Variants in FGF1 observed in about 807,000 individuals in gnomAD.
FGF1 encodes fibroblast growth factor 1.
FGF1 carries 9 observed loss-of-function variants against 13.4 expected under a neutral mutation model. That is an observed-to-expected ratio of 0.67 (90% CI 0.40 to 1.17). FGF1 has a LOEUF of 1.17. Among genes scored for constraint, FGF1 ranks in the 50% most tolerant of loss-of-function variants. The pLI is 0.01. For missense variants in FGF1, 156 were observed against 192.7 expected (o/e 0.81, Z 1.13); for synonymous variants, 93 against 79.0 (o/e 1.18, Z -0.94).
chr5:142,657,812 G>C (rs1023135537), intron 1 of FGF1, among the ~76,000 whole-genome samples: 9 of 152,164 alleles, frequency 5.9e-5, no homozygotes, highest in Admixed American at 4.6e-4. Context: ...CTGGTGTCTG[G>C]GTCTTCTTTC....
chr5:142,628,757 C>T (rs571076026), intron 1 of FGF1, among the ~76,000 whole-genome samples: 9 of 152,180 alleles, frequency 5.9e-5, no homozygotes, highest in Admixed American at 3.3e-4. Context: ...CTATGTTGGG[C>T]GGGGTTGTTT....
chr5:142,679,346 T>G (rs1370579843), intron 1 of FGF1, among the ~76,000 whole-genome samples: 1 of 152,198 alleles, frequency 6.6e-6, no homozygotes, highest in Non-Finnish European at 1.5e-5. Flanking sequence ...TGCTGATCCG[T>G]CAGACCTCAA....
In FGF1 at chr5:142,649,513, TCTC is replaced by T. The variant is rs1766818215; in HGVS notation, c.-34-35355_-34-35353del. ...GCTCTGCCTCCCGGGTTCACGCCAT[TCTC>T]CTGCCTCAGCCTCCTGAGTAGCTGG... On this transcript the variant is annotated intron_variant, in intron 1 of 3. Coordinates refer to ENST00000337706, the MANE Select transcript of FGF1 (RefSeq NM_000800.5). 2.6e-5 allele frequency among the ~76,000 whole-genome samples: 4 copies of T among 152,076 alleles called. No homozygotes were observed. The South Asian group carries it at 8.3e-4, about 32-fold the overall frequency.
At chr5:142,619,741 G>C (rs901835651) in intron 1 of FGF1, among the ~76,000 whole-genome samples, 1 of 152,018 alleles carries the variant, frequency 6.6e-6, no homozygotes, top group Non-Finnish European at 1.5e-5. Context: ...GCTGAGGCAG[G>C]AGAATCGCTT....
chr5:142,669,833 C>T (rs930249994), intron 1 of FGF1, among the ~76,000 whole-genome samples: 14 of 152,116 alleles, frequency 9.2e-5, no homozygotes, highest in East Asian at 3.9e-4. Context: ...AAGCAGACAG[C>T]GGCAGCCACC....
chr5:142,643,911 C>T (rs1765590822), intron 1 of FGF1, among the ~76,000 whole-genome samples: 1 of 152,180 alleles, frequency 6.6e-6, no homozygotes, highest in South Asian at 2.1e-4. Flanking sequence ...CATGTAAGCT[C>T]ATGTTAGCGC....
chr5:142,607,097 C>A (rs193206385), intron 2 of FGF1, among the ~76,000 whole-genome samples: 1 of 152,216 alleles, frequency 6.6e-6, no homozygotes, highest in East Asian at 1.9e-4. Flanking sequence ...ACTTTTTGTT[C>A]CTCGTGACCC....
intron 2 of FGF1, among the ~76,000 whole-genome samples, chr5:142,613,128 A>G (rs1759431870): frequency 6.6e-6 from 1 of 152,084 alleles, no homozygotes; most frequent in Admixed American, 6.5e-5. Flanking sequence ...CTTCTTTGTA[A>G]CCTCTGATGC....
chr5:142,660,160 C>G (rs1597366604), intron 1 of FGF1, among the ~76,000 whole-genome samples: 1 of 152,246 alleles, frequency 6.6e-6, no homozygotes, highest in East Asian at 1.9e-4. Flanking sequence ...CAGCTGAAAA[C>G]CATCTTCACG....
At chr5:142,696,557 C>G (rs951767244) in intron 2 of FGF1, among the ~76,000 whole-genome samples, 5 of 152,158 alleles carry the variant, frequency 3.3e-5, no homozygotes, top group African/African-American at 9.7e-5. Flanking sequence ...AGGATGTCAG[C>G]TGGGAGGTGC....
chr5:142,600,779 C>T lies in FGF1; in HGVS notation c.196G>A (p.Val66Met), dbSNP rs774480739. 1.4e-5 allele frequency: 23 copies of T among 1,613,394 alleles called. No homozygotes were observed. Among genetic ancestry groups the T allele is most frequent in the South Asian group, 6.6e-5 (6 of 90,994 alleles). ...HIQLQLSAESVGEVYIKSTET... is the reference protein window; with the variant it reads ...HIQLQLSAESMGEVYIKSTET... ...GTACTCTTTATATACACCTCCCCCA[C>T]GCTTTCCGCACTGAGCTGCAGCTGA... The change falls in exon 3 of 4, where the codon GTG (valine) becomes ATG (methionine). Residue 66 changes from valine (V) to methionine (M), a missense_variant. Val to Met is a conservative substitution (Grantham distance 21, BLOSUM62 1). Coordinates refer to ENST00000337706, the MANE Select transcript of FGF1 (RefSeq NM_000800.5).
At chr5:142,617,775 C>G (rs1215141953) in intron 1 of FGF1, among the ~76,000 whole-genome samples, 2 of 152,070 alleles carry the variant, frequency 1.3e-5, no homozygotes, top group Non-Finnish European at 2.9e-5. Flanking sequence ...CTAAAGGAAA[C>G]CCCAGGGGCA....
intron 2 of FGF1, among the ~76,000 whole-genome samples, chr5:142,604,916 T>A (rs78606752): frequency 6.6e-6 from 1 of 152,126 alleles, no homozygotes; most frequent in Admixed American, 6.5e-5. Flanking sequence ...AGATCACACA[T>A]GGACAAGATG....
chr5:142,659,140 A>G (rs1160793617), intron 1 of FGF1, among the ~76,000 whole-genome samples: 1 of 151,880 alleles, frequency 6.6e-6, no homozygotes, highest in African/African-American at 2.4e-5. Context: ...TGTTATAGTG[A>G]AACAGGCATG....
chr5:142,693,425 G>A (rs999430387), intron 2 of FGF1, among the ~76,000 whole-genome samples: 1 of 152,078 alleles, frequency 6.6e-6, no homozygotes, highest in African/African-American at 2.4e-5. Flanking sequence ...CCGAGTAGCT[G>A]GGATTACAGG....
chr5:142,619,719 G>A (rs544617027), intron 1 of FGF1, among the ~76,000 whole-genome samples: 6 of 152,118 alleles, frequency 3.9e-5, no homozygotes, highest in Non-Finnish European at 8.8e-5. Flanking sequence ...TGTAATCCCA[G>A]CTACTCAGGA....
chr5:142,644,869 A>G (rs1411586627), intron 1 of FGF1, among the ~76,000 whole-genome samples: 1 of 152,230 alleles, frequency 6.6e-6, no homozygotes, highest in Admixed American at 6.5e-5. Flanking sequence ...ACCTTAGCAC[A>G]CATGAGAGGA....
chr5:142,627,318 G>A (rs1762616560), intron 1 of FGF1: 1 of 152,080 alleles, frequency 6.6e-6, no homozygotes, highest in African/African-American at 2.4e-5. Flanking sequence ...CAGAGAGAAT[G>A]GACAGCTTAC....
chr5:142,688,417 G>A (rs1333473150), upstream of FGF1, among the ~76,000 whole-genome samples: 1 of 152,174 alleles, frequency 6.6e-6, no homozygotes, highest in Non-Finnish European at 1.5e-5. Flanking sequence ...GTTATTTAGA[G>A]TAGGAAGGGA....
Sources: allele counts gnomAD v4.1 joint callset (sites outside exome capture counted in the v4.1 genomes callset), GRCh38; gene constraint gnomAD v4.1.1; transcripts MANE v1.5; gene names NCBI Gene and HGNC (gene_info 2026-07-23, HGNC 2026-07-21).